CHRDL1: variants seen among roughly 807,000 people sequenced by gnomAD.
CHRDL1 encodes the protein chordin like 1.
Under a neutral mutation model 40.9 loss-of-function variants are expected in CHRDL1, and 19 were observed. That is an observed-to-expected ratio of 0.46 (90% confidence interval 0.32 to 0.68). CHRDL1 has a LOEUF of 0.68. Ranked by LOEUF, CHRDL1 falls within the 30% of genes least tolerant of loss-of-function variation. The pLI is 0.03. For synonymous variants in CHRDL1, 136 were observed against 123.4 expected (o/e 1.10, Z -0.68); for missense variants, 329 against 352.1 (o/e 0.93, Z 0.53).
intron 9 of CHRDL1, among the ~76,000 whole-genome samples, chrX:110,683,660 G>C (rs1196361943): frequency 1.8e-5 from 2 of 111,641 alleles, no homozygotes. Flanking sequence ...CTGTATGGCA[G>C]ACGTATCTGA....
rs143512485 is a variant in CHRDL1 at position 110,702,244 on chromosome X, G to A, written c.542-1523C>T. ...ATACTGGACTCCCATTGTTGCTTCC[G>A]TGCTGTAGCTCATGTTATTCTTCTT... On this transcript the variant is annotated intron_variant, in intron 6 of 11. Transcript: ENST00000372042. Among the ~76,000 whole-genome samples the A allele has an allele frequency of 1.5e-3, 162 of 111,071 alleles. 4 individuals carry two copies. In the East Asian group the frequency reaches 0.019, roughly 13 times the overall value.
chrX:110,772,793 G>A (rs985769520), intron 2 of CHRDL1, among the ~76,000 whole-genome samples: 19 of 112,779 alleles, frequency 1.7e-4, no homozygotes, highest in South Asian at 3.6e-4. Context: ...GAATTCAATG[G>A]AAAAGGGATA....
chrX:110,736,590 C>A (rs1230819363), intron 4 of CHRDL1, among the ~76,000 whole-genome samples: 3 of 111,291 alleles, frequency 2.7e-5, no homozygotes, highest in Non-Finnish European at 3.8e-5. Context: ...TTGCTTAGAC[C>A]AATAACCCTC....
chrX:110,676,399 T>A, intron 11 of CHRDL1, 38 bp from the exon 12 acceptor site: 1 of 1,197,191 alleles, frequency 8.4e-7, no homozygotes, highest in Non-Finnish European at 1.1e-6. Flanking sequence ...CGGGAGTGTG[T>A]AAGAGGAAAG....
At chrX:110,775,098 A>C (rs1403216271) in intron 2 of CHRDL1, among the ~76,000 whole-genome samples, 1 of 111,870 alleles carries the variant, frequency 8.9e-6, no homozygotes, top group Non-Finnish European at 1.9e-5. Flanking sequence ...AAGGAGACCC[A>C]AGACACTTGG....
chrX:110,794,017 G>A (rs2090143951), intron 1 of CHRDL1, among the ~76,000 whole-genome samples: 1 of 112,028 alleles, frequency 8.9e-6, no homozygotes, highest in Non-Finnish European at 1.9e-5. Context: ...AAAATGAATC[G>A]CTTTATAAAT....
At chrX:110,693,232 G>A (rs1225397045) in intron 8 of CHRDL1, among the ~76,000 whole-genome samples, 1 of 111,660 alleles carries the variant, frequency 9.0e-6, no homozygotes, top group Non-Finnish European at 1.9e-5. Flanking sequence ...GAAGTCTATG[G>A]GTGCCTGCTG....
intron 4 of CHRDL1, among the ~76,000 whole-genome samples, chrX:110,757,778 G>A (rs547399796): frequency 1.0e-3 from 112 of 111,455 alleles, no homozygotes; most frequent in Middle Eastern, 4.7e-3. Context: ...TTCTTTCAAC[G>A]CTTTCACCTC....
intron 10 of CHRDL1, 39 bp from the exon 11 acceptor site, chrX:110,679,464 T>G: frequency 1.1e-6 from 1 of 935,593 alleles, no homozygotes; most frequent in African/African-American, 1.9e-5. Context: ...GGTCAGGCAC[T>G]CAATCTGGAA....
At chrX:110,778,918 T>C (rs1003181767) in intron 2 of CHRDL1, among the ~76,000 whole-genome samples, 1 of 111,722 alleles carries the variant, frequency 9.0e-6, no homozygotes, top group African/African-American at 3.2e-5. Flanking sequence ...TATGCGGCTA[T>C]AAAAAAGAAT....
At chrX:110,689,522 A>C (rs1434839204) in intron 8 of CHRDL1, among the ~76,000 whole-genome samples, 5 of 42,777 alleles carry the variant, frequency 1.2e-4, no homozygotes, top group East Asian at 7.1e-4. Context: ...ATCTCTATAT[A>C]TCTATCTATA....
intron 2 of CHRDL1, among the ~76,000 whole-genome samples, chrX:110,788,508 T>C (rs2090050464): frequency 8.9e-6 from 1 of 111,743 alleles, no homozygotes; most frequent in Non-Finnish European, 1.9e-5. Context: ...ATAAAAAACT[T>C]TGCCTTCTTT....
intron 8 of CHRDL1, among the ~76,000 whole-genome samples, chrX:110,692,099 A>G (rs1289994184): frequency 1.8e-5 from 2 of 111,545 alleles, no homozygotes; most frequent in East Asian, 5.6e-4. Context: ...AGAGGACCAC[A>G]TTATTAGCAA....
At chrX:110,683,125 T>C (rs762962073) in intron 9 of CHRDL1, among the ~76,000 whole-genome samples, 5 of 112,485 alleles carry the variant, frequency 4.4e-5, no homozygotes, top group Non-Finnish European at 9.4e-5. Context: ...ATGCTAAAAG[T>C]TCTTCCAGTA....
At chrX:110,745,647 G>A (rs2071437868) in intron 4 of CHRDL1, among the ~76,000 whole-genome samples, 1 of 111,784 alleles carries the variant, frequency 8.9e-6, no homozygotes, top group Admixed American at 9.4e-5. Context: ...TGCCTGCACA[G>A]CCCTTGTCCA....
chrX:110,703,298 A>G (rs2070554867), intron 6 of CHRDL1, among the ~76,000 whole-genome samples: 1 of 111,827 alleles, frequency 8.9e-6, no homozygotes, highest in African/African-American at 3.3e-5. Context: ...CAGGTGCTCA[A>G]TATATGTATT....
At chrX:110,686,879 G>C (rs923559256) in intron 9 of CHRDL1, among the ~76,000 whole-genome samples, 3 of 83,460 alleles carry the variant, frequency 3.6e-5, no homozygotes, top group African/African-American at 5.8e-5. Flanking sequence ...GCTAGACTCT[G>C]TCTCAAAAAA....
At chrX:110,689,369 T>G in intron 8 of CHRDL1, among the ~76,000 whole-genome samples, 1 of 97,890 alleles carries the variant, frequency 1.0e-5, no homozygotes, top group Non-Finnish European at 2.0e-5. Context: ...AGTGCTGAGA[T>G]TACAGGCATG....
chrX:110,686,895 A>C (rs1569460296), intron 9 of CHRDL1, among the ~76,000 whole-genome samples: 1 of 102,379 alleles, frequency 9.8e-6, no homozygotes, highest in Non-Finnish European at 2.0e-5. Flanking sequence ...AAAAAACAAA[A>C]AATAAAAAAA....
Sources: gnomAD v4.1 joint callset for allele counts (sites outside exome capture counted in the v4.1 genomes callset) on GRCh38, gnomAD v4.1.1 for gene constraint, MANE v1.5 for transcripts, NCBI Gene and HGNC (gene_info 2026-07-23, HGNC 2026-07-21) for gene names.